The following DCC variants were observed in gnomAD, a reference collection of about 807,000 sequenced individuals.
DCC encodes the protein netrin receptor DCC.
Under a neutral mutation model 172.5 loss-of-function variants are expected in DCC, and 58 were observed. The ratio of observed to expected loss-of-function variants is 0.34; its 90% confidence interval spans 0.27 to 0.42. The LOEUF (loss-of-function observed/expected upper bound fraction) is 0.42, where lower values mean the gene tolerates loss of function less well. Among genes scored for constraint, DCC ranks in the 10% least tolerant of loss-of-function variants. The pLI, the probability that DCC is intolerant of heterozygous loss-of-function variation, is 1.00. For synonymous variants in DCC, 709 were observed against 644.5 expected, an observed-to-expected ratio of 1.10 and a Z score of -1.52; for missense variants, 1,740 against 1,791.0, an observed-to-expected ratio of 0.97 and a Z score of 0.51.
At chr18:53,511,629 G>A (rs1040051291) in intron 27 of DCC, among the ~76,000 whole-genome samples, 6 of 152,224 alleles carry the variant, frequency 3.9e-5, no homozygotes, top group Non-Finnish European at 7.3e-5. Flanking sequence ...AAAGCAGGGC[G>A]AGGCATTGCG....
intron 9 of DCC, among the ~76,000 whole-genome samples, chr18:53,197,665 T>A (rs979327729): frequency 2.6e-5 from 4 of 152,052 alleles, no homozygotes; most frequent in Non-Finnish European, 4.4e-5. Flanking sequence ...CTTCTAAAGC[T>A]TTTTCTTTGA....
intron 2 of DCC, among the ~76,000 whole-genome samples, chr18:52,781,238 C>A (rs112634818): frequency 7.9e-5 from 12 of 152,144 alleles, no homozygotes; most frequent in Non-Finnish European, 1.6e-4. Context: ...ACCCCTGCAA[C>A]TTCCTTGCAG....
intron 2 of DCC, among the ~76,000 whole-genome samples, chr18:52,800,888 G>A (rs2037972212): frequency 6.6e-6 from 1 of 152,074 alleles, no homozygotes; most frequent in Admixed American, 6.6e-5. Flanking sequence ...TACTGGTCTG[G>A]GCCAGCTGGA....
chr18:53,515,636 G>A (rs1396768973), intron 27 of DCC, among the ~76,000 whole-genome samples: 2 of 145,512 alleles, frequency 1.4e-5, no homozygotes, highest in Admixed American at 1.4e-4. Flanking sequence ...AAAATCACAA[G>A]CATTCTTATA....
At chr18:52,870,357 C>T (rs1269229300) in intron 2 of DCC, among the ~76,000 whole-genome samples, 1 of 152,168 alleles carries the variant, frequency 6.6e-6, no homozygotes. Context: ...CTGCTCCTGC[C>T]ACCACCACTC....
intron 1 of DCC, among the ~76,000 whole-genome samples, chr18:52,416,879 G>T (rs1379559690): frequency 6.6e-6 from 1 of 151,834 alleles, no homozygotes; most frequent in African/African-American, 2.4e-5. Context: ...TACATTTAAA[G>T]TGAATATTGT....
intron 14 of DCC, among the ~76,000 whole-genome samples, chr18:53,330,198 A>G (rs555886812): frequency 6.6e-6 from 1 of 152,290 alleles, no homozygotes; most frequent in African/African-American, 2.4e-5. Context: ...GGGTGACTCA[A>G]CCACAAGTCT....
intron 21 of DCC, among the ~76,000 whole-genome samples, chr18:53,420,406 A>G (rs1910578462): frequency 6.6e-6 from 1 of 152,122 alleles, no homozygotes; most frequent in Admixed American, 6.6e-5. Context: ...ACACTTCTTT[A>G]TTTCAGGAAA....
chr18:52,694,089 C>A lies in DCC; in HGVS notation c.92-57965C>A, dbSNP rs184472798. 1.5e-3 allele frequency among the ~76,000 whole-genome samples: 223 copies of A among 152,122 alleles called. 1 individual carries two copies. Among genetic ancestry groups the A allele is most frequent in the Non-Finnish European group, 2.5e-3 (168 of 67,994 alleles). On this transcript the variant is annotated intron_variant, in intron 1 of 28. Coordinates refer to ENST00000442544, the MANE Select transcript of DCC (RefSeq NM_005215.4). ...GTAACAAGTCATGTTAATAGCATGTCCCCCAGTATGATATGATGAGGAGAA... is the reference window on the plus strand; with the variant it reads ...GTAACAAGTCATGTTAATAGCATGTACCCCAGTATGATATGATGAGGAGAA...
At chr18:53,125,751 C>T (rs1267184008) in intron 7 of DCC, among the ~76,000 whole-genome samples, 4 of 152,092 alleles carry the variant, frequency 2.6e-5, no homozygotes, top group Admixed American at 2.0e-4. Flanking sequence ...ACACGCAGCT[C>T]CGAAGTGTAC....
At chr18:53,133,361 T>C (rs2043687008) in intron 7 of DCC, among the ~76,000 whole-genome samples, 1 of 152,148 alleles carries the variant, frequency 6.6e-6, no homozygotes, top group African/African-American at 2.4e-5. Flanking sequence ...TAATGGAAAA[T>C]CCAAGTACTG....
chr18:52,483,339 C>G (rs534293242), intron 1 of DCC, among the ~76,000 whole-genome samples: 13 of 152,178 alleles, frequency 8.5e-5, no homozygotes, highest in Admixed American at 8.5e-4. Context: ...AGCTTCTATT[C>G]TCATTTTACT....
At chr18:52,962,529 A>T (rs1226533582) in intron 5 of DCC, among the ~76,000 whole-genome samples, 9 of 151,880 alleles carry the variant, frequency 5.9e-5, no homozygotes, top group Non-Finnish European at 1.3e-4. Flanking sequence ...AGTTCAACCA[A>T]TGTGGAATTC....
intron 5 of DCC, among the ~76,000 whole-genome samples, chr18:52,961,828 G>T (rs2040847197): frequency 6.6e-6 from 1 of 152,060 alleles, no homozygotes; most frequent in Non-Finnish European, 1.5e-5. Flanking sequence ...TCTGATCTTT[G>T]ACAAACCTGA....
intron 1 of DCC, among the ~76,000 whole-genome samples, chr18:52,483,369 C>T (rs929774000): frequency 6.6e-6 from 1 of 152,042 alleles, no homozygotes; most frequent in Non-Finnish European, 1.5e-5. Context: ...TATTATACTT[C>T]AGAGAAAGTA....
chr18:53,218,049 A>G (rs895129615), intron 12 of DCC, among the ~76,000 whole-genome samples: 1 of 151,944 alleles, frequency 6.6e-6, no homozygotes. Flanking sequence ...GGGTCTCATT[A>G]TGTTCCCTAG....
At chr18:53,206,857 C>A (rs1357156179) in intron 10 of DCC, among the ~76,000 whole-genome samples, 1 of 151,468 alleles carries the variant, frequency 6.6e-6, no homozygotes, top group Non-Finnish European at 1.5e-5. Context: ...ACATAAACTG[C>A]ATGATCAGAA....
chr18:52,447,873 A>G (rs9966766), intron 1 of DCC, among the ~76,000 whole-genome samples: 33,872 of 152,074 alleles, frequency 0.22, 4,167 homozygotes, highest in Non-Finnish European at 0.27. Flanking sequence ...AATCATTCAT[A>G]AGAAATCCAC....
At chr18:52,736,785 G>A (rs1327601422) in intron 1 of DCC, among the ~76,000 whole-genome samples, 1 of 152,144 alleles carries the variant, frequency 6.6e-6, no homozygotes, top group Non-Finnish European at 1.5e-5. Flanking sequence ...GGTTAAAAGA[G>A]CTACAGGTAT....
Sources: gnomAD v4.1 joint callset for allele counts (sites outside exome capture counted in the v4.1 genomes callset) on GRCh38, gnomAD v4.1.1 for gene constraint, MANE v1.5 for transcripts, NCBI Gene and HGNC (gene_info 2026-07-23, HGNC 2026-07-21) for gene names.